CACNG3: variants seen among roughly 807,000 people sequenced by gnomAD.
CACNG3 encodes calcium voltage-gated channel auxiliary subunit gamma 3.
Under a neutral mutation model 28.5 loss-of-function variants are expected in CACNG3, and 3 were observed. The observed-to-expected ratio is 0.11, with a 90% CI of 0.05 to 0.27. CACNG3 has a LOEUF of 0.27. Ranked by LOEUF, CACNG3 falls within the 10% of genes least tolerant of loss-of-function variation. The pLI, the probability that CACNG3 is intolerant of heterozygous loss-of-function variation, is 1.00. For missense variants in CACNG3, 236 were observed against 414.4 expected, an observed-to-expected ratio of 0.57 and a Z score of 3.74; for synonymous variants, 174 against 162.2, an observed-to-expected ratio of 1.07 and a Z score of -0.55.
intron 1 of CACNG3, among the ~76,000 whole-genome samples, chr16:24,317,234 T>C (rs563552574): frequency 9.9e-5 from 15 of 152,128 alleles, no homozygotes; most frequent in Non-Finnish European, 1.3e-4. Flanking sequence ...CAAACAAGGT[T>C]ACATGGGTAA....
At chr16:24,258,759 G>A (rs993472779) in intron 1 of CACNG3, among the ~76,000 whole-genome samples, 4 of 152,162 alleles carry the variant, frequency 2.6e-5, no homozygotes, top group African/African-American at 9.7e-5. Context: ...AAGTTCTAAG[G>A]TTCCTCCAAG....
intron 1 of CACNG3, among the ~76,000 whole-genome samples, chr16:24,270,641 T>A (rs1898674888): frequency 6.6e-6 from 1 of 152,180 alleles, no homozygotes; most frequent in South Asian, 2.1e-4. Flanking sequence ...GGAAATCAGG[T>A]CTGGACCACC....
intron 1 of CACNG3, among the ~76,000 whole-genome samples, chr16:24,329,699 T>C (rs1404621452): frequency 8.5e-5 from 13 of 152,226 alleles, no homozygotes; most frequent in African/African-American, 3.1e-4. Context: ...ACACATTATA[T>C]TGTCATTGTG....
intron 1 of CACNG3, among the ~76,000 whole-genome samples, chr16:24,267,922 T>C (rs1898636649): frequency 6.6e-6 from 1 of 152,154 alleles, no homozygotes; most frequent in Non-Finnish European, 1.5e-5. Context: ...CTGCCCACCT[T>C]GGCCTCCCAG....
intron 1 of CACNG3, among the ~76,000 whole-genome samples, chr16:24,286,245 A>G (rs1898891859): frequency 6.6e-6 from 1 of 152,058 alleles, no homozygotes; most frequent in South Asian, 2.1e-4. Context: ...ATGTTCTTAT[A>G]TACTAGTGCT....
At chr16:24,285,737 A>G (rs1898883893) in intron 1 of CACNG3, among the ~76,000 whole-genome samples, 1 of 151,814 alleles carries the variant, frequency 6.6e-6, no homozygotes, top group African/African-American at 2.4e-5. Context: ...TATAATTTAA[A>G]AAGTATATAT....
chr16:24,265,992 T>A (rs993810233), intron 1 of CACNG3, among the ~76,000 whole-genome samples: 2 of 152,228 alleles, frequency 1.3e-5, no homozygotes, highest in African/African-American at 4.8e-5. Flanking sequence ...GAGTTTTGAA[T>A]TGCTTTTCTT....
chr16:24,298,473 C>T (rs1263035844), intron 1 of CACNG3, among the ~76,000 whole-genome samples: 2 of 152,116 alleles, frequency 1.3e-5, no homozygotes, highest in African/African-American at 4.8e-5. Flanking sequence ...ATTATTGAGT[C>T]AGAAGATTAT....
chr16:24,271,401 C>T (rs898109015), intron 1 of CACNG3, among the ~76,000 whole-genome samples: 10 of 152,006 alleles, frequency 6.6e-5, no homozygotes, highest in Admixed American at 2.0e-4. Flanking sequence ...TTTTAAATGA[C>T]GTTGATGTAG....
At chr16:24,316,359 C>T (rs1260098796) in intron 1 of CACNG3, among the ~76,000 whole-genome samples, 1 of 151,764 alleles carries the variant, frequency 6.6e-6, no homozygotes, top group Non-Finnish European at 1.5e-5. Context: ...AGCACCCTCA[C>T]TGAGGACCAG....
chr16:24,331,926 C>A (rs1182847686), intron 1 of CACNG3, among the ~76,000 whole-genome samples: 1 of 152,236 alleles, frequency 6.6e-6, no homozygotes, highest in African/African-American at 2.4e-5. Context: ...AATCTCACGA[C>A]TGTCCTCCCC....
intron 2 of CACNG3, among the ~76,000 whole-genome samples, chr16:24,351,343 G>A (rs1048392999): frequency 2.6e-5 from 4 of 152,044 alleles, no homozygotes; most frequent in Non-Finnish European, 4.4e-5. Context: ...AGGCCAAAGC[G>A]GGTGGATCAC....
At chr16:24,354,529 A>G (rs1332983442) in intron 2 of CACNG3, among the ~76,000 whole-genome samples, 2 of 152,190 alleles carry the variant, frequency 1.3e-5, no homozygotes, top group Non-Finnish European at 2.9e-5. Context: ...GGAGTTCCAC[A>G]TAAGTCAAGT....
intron 1 of CACNG3, among the ~76,000 whole-genome samples, chr16:24,299,961 T>C (rs546852400): frequency 0.033 from 4,859 of 149,354 alleles, 115 homozygotes; most frequent in Non-Finnish European, 0.051. Flanking sequence ...CACACACACA[T>C]ACGATAGAAT....
chr16:24,280,129 CAGG>C (rs1898805416), intron 1 of CACNG3, among the ~76,000 whole-genome samples: 1 of 152,148 alleles, frequency 6.6e-6, no homozygotes, highest in Admixed American at 6.5e-5. Context: ...AATGCAACAC[CAGG>C]AGGTCACTGC....
chr16:24,269,690 G>A (rs1163867819), intron 1 of CACNG3, among the ~76,000 whole-genome samples: 1 of 148,116 alleles, frequency 6.8e-6, no homozygotes, highest in Admixed American at 6.7e-5. Flanking sequence ...GAGGTTTCAG[G>A]GAGCTGAGAT....
chr16:24,348,150 C>A (rs1401258255), intron 2 of CACNG3, among the ~76,000 whole-genome samples: 1 of 152,124 alleles, frequency 6.6e-6, no homozygotes, highest in Non-Finnish European at 1.5e-5. Context: ...GTAATCTCAG[C>A]ACTTTAGGAG....
At chr16:24,258,218 T>C (rs904515554) in intron 1 of CACNG3, among the ~76,000 whole-genome samples, 2 of 152,228 alleles carry the variant, frequency 1.3e-5, no homozygotes, top group African/African-American at 4.8e-5. Context: ...CACTTGCCAG[T>C]GTAATATTGC....
At chr16:24,268,153 G>T (rs989912440) in intron 1 of CACNG3, among the ~76,000 whole-genome samples, 2 of 152,142 alleles carry the variant, frequency 1.3e-5, no homozygotes, top group African/African-American at 4.8e-5. Context: ...GCTGGGCTGG[G>T]ATTTAAACTG....
Sources: gnomAD v4.1 joint callset for allele counts (sites outside exome capture counted in the v4.1 genomes callset) on GRCh38, gnomAD v4.1.1 for gene constraint, MANE v1.5 for transcripts, NCBI Gene and HGNC (gene_info 2026-07-23, HGNC 2026-07-21) for gene names.